The following AKT3 variants were observed in gnomAD, a reference collection of about 807,000 sequenced individuals.
AKT3 encodes RAC-gamma serine/threonine-protein kinase.
AKT3 carries 15 observed loss-of-function variants against 65.3 expected under a neutral mutation model. The ratio of observed to expected loss-of-function variants is 0.23; its 90% confidence interval spans 0.15 to 0.35. The LOEUF is 0.35. Ranked by LOEUF, AKT3 falls within the 10% of genes least tolerant of loss-of-function variation. AKT3 has a pLI of 1.00. For missense variants in AKT3, 243 were observed against 576.5 expected (o/e 0.42, Z 5.92); for synonymous variants, 206 against 183.8 (o/e 1.12, Z -0.98).
At chr1:243,734,351 T>C (rs1240173969) in intron 2 of AKT3, among the ~76,000 whole-genome samples, 2 of 152,232 alleles carry the variant, frequency 1.3e-5, no homozygotes, top group Non-Finnish European at 2.9e-5. Flanking sequence ...CAGTCATGCA[T>C]TGCTTAATGA....
intron 2 of AKT3, among the ~76,000 whole-genome samples, chr1:243,737,453 C>T (rs2148164327): frequency 1.3e-5 from 2 of 152,192 alleles, no homozygotes; most frequent in South Asian, 4.1e-4. Flanking sequence ...TTCCCTTTCC[C>T]TACCACAGCA....
chr1:243,744,776 G>T, intron 2 of AKT3, among the ~76,000 whole-genome samples: 1 of 148,510 alleles, frequency 6.7e-6, no homozygotes, highest in Admixed American at 6.7e-5. Context: ...ATACATAACA[G>T]AAATAGACTC....
chr1:243,586,591 T>C (rs1324329580), intron 8 of AKT3, among the ~76,000 whole-genome samples: 1 of 152,180 alleles, frequency 6.6e-6, no homozygotes, highest in Non-Finnish European at 1.5e-5. Flanking sequence ...TGGATGCAGC[T>C]GGAGGCCATT....
chr1:243,583,540 C>CAAAAAAAAAAAAAAAAGAAAAAA (rs1675568061), intron 8 of AKT3, among the ~76,000 whole-genome samples: 2 of 29,964 alleles, frequency 6.7e-5, no homozygotes, highest in Admixed American at 4.3e-4. Context: ...AAGTAAGTCT[C>CAAAAAAAAAAAAAAAAGAAAAAA]AAAAAAAAAA....
intron 3 of AKT3, among the ~76,000 whole-genome samples, chr1:243,677,608 C>T (rs1249058468): frequency 2.6e-5 from 4 of 151,866 alleles, no homozygotes; most frequent in Non-Finnish European, 5.9e-5. Flanking sequence ...TTTGGAGCAA[C>T]AGCTCTAATA....
At chr1:243,778,983 C>G (rs972326224) in intron 2 of AKT3, among the ~76,000 whole-genome samples, 3 of 151,452 alleles carry the variant, frequency 2.0e-5, no homozygotes, top group African/African-American at 7.3e-5. Flanking sequence ...ATGTAATATT[C>G]CATTGTATTG....
At chr1:243,730,564 T>C (rs1292014039) in intron 2 of AKT3, among the ~76,000 whole-genome samples, 2 of 152,148 alleles carry the variant, frequency 1.3e-5, no homozygotes, top group African/African-American at 4.8e-5. Flanking sequence ...GCTGTAACAC[T>C]ATAGCCTTCC....
At chr1:243,602,984 A>C (rs1677121365) in intron 8 of AKT3, among the ~76,000 whole-genome samples, 1 of 152,218 alleles carries the variant, frequency 6.6e-6, no homozygotes, top group Non-Finnish European at 1.5e-5. Context: ...ACAAGTCCTA[A>C]GTAGAGACTT....
At chr1:243,647,528 C>G (rs1680912834) in intron 4 of AKT3, among the ~76,000 whole-genome samples, 1 of 152,118 alleles carries the variant, frequency 6.6e-6, no homozygotes, top group South Asian at 2.1e-4. Flanking sequence ...TTCTTTTATG[C>G]TATTGTGGAG....
At chr1:243,746,340 G>A (rs1483466599) in intron 2 of AKT3, among the ~76,000 whole-genome samples, 1 of 151,804 alleles carries the variant, frequency 6.6e-6, no homozygotes, top group Non-Finnish European at 1.5e-5. Flanking sequence ...AATGTATTCT[G>A]TCTTTACATT....
At chr1:243,706,234 A>G (rs1170962518) in intron 2 of AKT3, among the ~76,000 whole-genome samples, 2 of 152,340 alleles carry the variant, frequency 1.3e-5, no homozygotes, top group East Asian at 1.9e-4. Context: ...CTCCTGTCAG[A>G]AAAGCTCTCT....
rs1669337565 is a variant in AKT3, at chr1:243,501,866, A to G, written c.*3383T>C. ...AATACTAAGGATGTACAGTGTACAAAAACAGTTTCTCCTAGTTATTCCACA... is the reference window on the plus strand; with the variant it reads ...AATACTAAGGATGTACAGTGTACAAGAACAGTTTCTCCTAGTTATTCCACA... On this transcript the variant is annotated 3_prime_UTR_variant, in exon 14 of 14. Transcript: ENST00000673466. 1 of 232,808 alleles carries G rather than the reference A, an allele frequency of 4.3e-6. No homozygotes were observed. 14.4% of individuals were successfully genotyped at this position (232,808 alleles called of 1,614,324 possible).
Position 243,846,748 on chromosome 1 carries a change from G to C in AKT3, c.-113+3292C>G, listed in dbSNP as rs146140246. On this transcript the variant is annotated intron_variant, in intron 1 of 13. Transcript: ENST00000673466. ...TATTGTACCAAATTTTGCAAATTTAGAATTATCACTGTTAACTGTAATAAT... is the reference window on the plus strand; with the variant it reads ...TATTGTACCAAATTTTGCAAATTTACAATTATCACTGTTAACTGTAATAAT... Among the ~76,000 whole-genome samples, 330 of 152,252 alleles carry C rather than the reference G, an allele frequency of 2.2e-3. 3 individuals carry two copies. The highest frequency in any genetic ancestry group is 3.0e-3 in the Admixed American group (46 of 15,294).
chr1:243,538,523 T>C (rs1332550099), intron 12 of AKT3, among the ~76,000 whole-genome samples: 2 of 152,158 alleles, frequency 1.3e-5, no homozygotes, highest in African/African-American at 4.8e-5. Context: ...AAGAATTGAC[T>C]ATATGCTGTC....
intron 2 of AKT3, among the ~76,000 whole-genome samples, chr1:243,753,394 C>A (rs1041957946): frequency 6.6e-6 from 1 of 152,100 alleles, no homozygotes; most frequent in African/African-American, 2.4e-5. Flanking sequence ...CACTTTCCTA[C>A]AGTTTCTTCC....
At chr1:243,646,544 G>A (rs530072184) in intron 4 of AKT3, among the ~76,000 whole-genome samples, 19 of 151,904 alleles carry the variant, frequency 1.3e-4, no homozygotes, top group African/African-American at 3.9e-4. Flanking sequence ...TAGTAGAGAC[G>A]GGGTTTCACC....
At chr1:243,827,702 G>A (rs1572416763) in intron 2 of AKT3, among the ~76,000 whole-genome samples, 1 of 152,056 alleles carries the variant, frequency 6.6e-6, no homozygotes, top group African/African-American at 2.4e-5. Context: ...CGTACTTGTC[G>A]CTTTAGTACT....
intron 2 of AKT3, among the ~76,000 whole-genome samples, chr1:243,773,093 G>A (rs1690298482): frequency 2.0e-5 from 3 of 151,128 alleles, no homozygotes; most frequent in African/African-American, 4.9e-5. Context: ...TGTAAATGGC[G>A]AGTTAATGGG....
intron 12 of AKT3, among the ~76,000 whole-genome samples, chr1:243,536,086 CT>C: frequency 6.8e-6 from 1 of 147,952 alleles, no homozygotes; most frequent in East Asian, 1.9e-4. Flanking sequence ...TGAATTTTTT[CT>C]TGCTGATTTG....
Sources: allele counts gnomAD v4.1 joint callset (sites outside exome capture counted in the v4.1 genomes callset), GRCh38; gene constraint gnomAD v4.1.1; transcripts MANE v1.5; gene names NCBI Gene and HGNC (gene_info 2026-07-23, HGNC 2026-07-21).